The following OSGIN1 variants were observed in gnomAD, a reference collection of about 807,000 sequenced individuals.
The protein encoded by OSGIN1 is oxidative stress-induced growth inhibitor 1.
A neutral mutation model predicts 20.1 loss-of-function variants in OSGIN1; 19 were observed. That is an observed-to-expected ratio of 0.95 (90% CI 0.66 to 1.39). The LOEUF is 1.39. OSGIN1 is among the 40% of genes most tolerant of loss of function. The probability of loss-of-function intolerance (pLI) is 0.00; values close to 1 mark genes in which losing one functional copy is unlikely to be tolerated. For synonymous variants in OSGIN1, 368 were observed against 297.8 expected (o/e 1.24, Z -2.43); for missense variants, 820 against 653.0 (o/e 1.26, Z -2.79).
At chr16:83,965,020 C>CAA in intron 5 of OSGIN1, 42 bp from the exon 6 acceptor site, 1 of 1,326,550 alleles carries the variant, frequency 7.5e-7, no homozygotes, top group Non-Finnish European at 1.1e-6. Context: ...CCCCCAACCC[C>CAA]TAACAGTGTC....
chr16:83,957,399 C>T (rs556883114), intron 1 of OSGIN1, among the ~76,000 whole-genome samples: 6 of 151,944 alleles, frequency 3.9e-5, no homozygotes, highest in South Asian at 2.1e-4. Flanking sequence ...CTGCCTGGGG[C>T]AACCAGGCCC....
rs758364495 is a variant in OSGIN1 at position 83,960,575 on chromosome 16, G to C, written c.211G>C (p.Asp71His). 21 of 1,612,946 alleles carry C rather than the reference G, an allele frequency of 1.3e-5. No homozygotes were observed. The highest frequency in any genetic ancestry group is 3.3e-5 in the Admixed American group (2 of 59,996). ...PGVSILDQDLDYLSEGLEGRS... is the reference protein window; with the variant it reads ...PGVSILDQDLHYLSEGLEGRS... ...GACCTATGCCCCCCTCCAGGACCTG[G>C]ACTACCTGTCCGAAGGCCTCGAAGG... The change falls in exon 4 of 6, where the codon GAC becomes CAC. Residue 71 changes from aspartate to histidine, a missense_variant. By Grantham distance (81) the Asp-to-His change is moderately conservative (BLOSUM62 -1). Transcript: ENST00000393306.
intron 1 of OSGIN1, 91 bp downstream of exon 1, chr16:83,953,461 C>A: frequency 1.7e-6 from 2 of 1,174,030 alleles, no homozygotes; most frequent in Non-Finnish European, 2.2e-6. Flanking sequence ...GTCTGCAGAG[C>A]CCTGGCGCCA....
intron 5 of OSGIN1, among the ~76,000 whole-genome samples, chr16:83,962,630 G>A (rs903414578): frequency 2.0e-5 from 3 of 152,198 alleles, no homozygotes; most frequent in Non-Finnish European, 2.9e-5. Flanking sequence ...TGGTGGTCGG[G>A]GCACAGCCTG....
At chr16:83,964,999 T>TTCC in intron 5 of OSGIN1, 63 bp from the exon 6 acceptor site, 1 of 645,908 alleles carries the variant, frequency 1.5e-6, no homozygotes, top group Non-Finnish European at 2.7e-6. Flanking sequence ...ACATCTCCCG[T>TTCC]CCCACCCAGC....
At position 83,960,568 on chromosome 16, in the gene OSGIN1, G is replaced by C. The variant is rs752522103; in HGVS notation, c.205-1G>C. On this transcript the variant is annotated splice_acceptor_variant, in intron 3 of 5. Coordinates refer to ENST00000393306, the MANE Select transcript of OSGIN1 (RefSeq NM_182981.3). LOFTEE classifies it high-confidence loss of function. ...CCCCTCTGACCTATGCCCCCCTCCA[G>C]GACCTGGACTACCTGTCCGAAGGCC... 3 of 1,612,512 alleles carry C rather than the reference G, an allele frequency of 1.9e-6. No individual in the cohort carries two copies. The African/African-American group carries it at 4.0e-5, about 22-fold the overall frequency.
intron 1 of OSGIN1, among the ~76,000 whole-genome samples, chr16:83,955,100 G>A (rs1908863333): frequency 6.6e-6 from 1 of 152,232 alleles, no homozygotes; most frequent in South Asian, 2.1e-4. Flanking sequence ...GATCAAAGGA[G>A]GTGATGCGGG....
At chr16:83,963,028 C>T (rs374828902) in intron 5 of OSGIN1, among the ~76,000 whole-genome samples, 3 of 152,302 alleles carry the variant, frequency 2.0e-5, no homozygotes, top group Non-Finnish European at 4.4e-5. Flanking sequence ...GCTGCCCCAG[C>T]GCAGATACCT....
intron 5 of OSGIN1, among the ~76,000 whole-genome samples, chr16:83,961,498 T>C (rs1423795082): frequency 6.6e-6 from 1 of 152,056 alleles, no homozygotes; most frequent in African/African-American, 2.4e-5. Flanking sequence ...GGAGGCAGGG[T>C]GGCCCTCAGC....
Position 83,966,162 on chromosome 16 carries a change from CT to C in OSGIN1, c.*156del. 4 of 646,282 alleles carry C rather than the reference CT, an allele frequency of 6.2e-6. No homozygotes were observed. Among genetic ancestry groups the C allele is most frequent in the Non-Finnish European group, 1.0e-5 (4 of 382,788 alleles). The allele number at this position is 646,282 out of a possible 1,614,324, so 40.0% of individuals were successfully genotyped here. On this transcript the variant is annotated 3_prime_UTR_variant, in exon 6 of 6. Coordinates refer to ENST00000393306, the MANE Select transcript of OSGIN1 (RefSeq NM_182981.3). ...AGAGGAGTAGGGATCCCAGGCTGCCCTGGACTTAGACCAGTGTCTGAGGTGG... is the reference window on the plus strand; with the variant it reads ...AGAGGAGTAGGGATCCCAGGCTGCCCGGACTTAGACCAGTGTCTGAGGTGG...
In OSGIN1 at chr16:83,964,125, A is replaced by G. The variant is rs145384324; in HGVS notation, c.489-937A>G. 8.4e-3 allele frequency among the ~76,000 whole-genome samples: 1,277 copies of G among 152,218 alleles called. 22 individuals are homozygous for G. Among genetic ancestry groups the G allele is most frequent in the African/African-American group, 0.029 (1,225 of 41,552 alleles). On this transcript the variant is annotated intron_variant, in intron 5 of 5. Transcript: ENST00000393306. ...TCGAAACCATCCTGGCCAACATGGC[A>G]AAACCCCATCTCTAATAAAAATACA...
chr16:83,958,420 C>T (rs2151076110), intron 2 of OSGIN1, among the ~76,000 whole-genome samples: 1 of 152,364 alleles, frequency 6.6e-6, no homozygotes, highest in East Asian at 1.9e-4. Context: ...CATGAGAGGA[C>T]ACACAGTAGC....
In OSGIN1 at chr16:83,957,643, C is replaced by A. The variant is rs748835213; in HGVS notation, c.-29C>A. 1.3e-6 allele frequency: 2 copies of A among 1,566,442 alleles called. No homozygotes were observed. Among genetic ancestry groups the A allele is most frequent in the Non-Finnish European group, 1.7e-6 (2 of 1,148,278 alleles). ...CTTCCCCTCTCCCCCACTCCAGGTC[C>A]GCTGCCAGCCCCAAGCCCCCCACCA... On this transcript the variant is annotated 5_prime_UTR_variant, in exon 2 of 6. Coordinates refer to ENST00000393306, the MANE Select transcript of OSGIN1 (RefSeq NM_182981.3).
intron 5 of OSGIN1, among the ~76,000 whole-genome samples, chr16:83,961,805 G>C (rs1325154259): frequency 6.6e-6 from 1 of 152,102 alleles, no homozygotes; most frequent in Non-Finnish European, 1.5e-5. Context: ...CCTCTAAGGA[G>C]GGGGTAACAC....
chr16:83,956,338 C>G (rs1009969412), intron 1 of OSGIN1, among the ~76,000 whole-genome samples: 2 of 152,248 alleles, frequency 1.3e-5, no homozygotes, highest in East Asian at 1.9e-4. Flanking sequence ...ACTCTGCGTT[C>G]ATTCATTGCC....
In OSGIN1 at chr16:83,965,916, T is replaced by C. The variant is rs2151080653; in HGVS notation, c.1343T>C (p.Leu448Pro). Residue 448 changes from leucine (L) to proline (P), a missense_variant, in exon 6 of 6, where the codon CTG becomes CCG. Coordinates refer to ENST00000393306, the MANE Select transcript of OSGIN1 (RefSeq NM_182981.3). ...GAGGGCCTGTACGCCATGGGGCCGCTGGCCGGGGACAACTTCGTGAGGTTT... is the reference window on the plus strand; with the variant it reads ...GAGGGCCTGTACGCCATGGGGCCGCCGGCCGGGGACAACTTCGTGAGGTTT... Reference protein sequence around the residue: ...RQEGLYAMGPLAGDNFVRFVQ... With the variant: ...RQEGLYAMGPPAGDNFVRFVQ... 2 of 1,612,734 alleles carry C rather than the reference T, an allele frequency of 1.2e-6. No homozygotes were observed. Among genetic ancestry groups the C allele is most frequent in the East Asian group, 4.5e-5 (2 of 44,860 alleles).
chr16:83,956,769 T>A (rs1567654710), intron 1 of OSGIN1, among the ~76,000 whole-genome samples: 1 of 152,178 alleles, frequency 6.6e-6, no homozygotes, highest in South Asian at 2.1e-4. Flanking sequence ...CACAAGGGTG[T>A]TGCCTTGTGG....
chr16:83,953,742 C>T (rs1056239225), intron 1 of OSGIN1, among the ~76,000 whole-genome samples: 1 of 152,104 alleles, frequency 6.6e-6, no homozygotes, highest in Non-Finnish European at 1.5e-5. Context: ...AGGCTGGGTG[C>T]CTTCTGGGTT....
At chr16:83,962,479 G>T (rs2084227874) in intron 5 of OSGIN1, among the ~76,000 whole-genome samples, 1 of 152,202 alleles carries the variant, frequency 6.6e-6, no homozygotes, top group Admixed American at 6.5e-5. Context: ...CTGATCTCGT[G>T]ATCCGCCCAC....
Sources: gnomAD v4.1 joint callset for allele counts (sites outside exome capture counted in the v4.1 genomes callset) on GRCh38, gnomAD v4.1.1 for gene constraint, MANE v1.5 for transcripts, NCBI Gene and HGNC (gene_info 2026-07-23, HGNC 2026-07-21) for gene names.